The following DDAH1 variants were observed in gnomAD, a reference collection of about 807,000 sequenced individuals.
The protein encoded by DDAH1 is dimethylarginine dimethylaminohydrolase 1.
Under a neutral mutation model 28.8 loss-of-function variants are expected in DDAH1, and 19 were observed. The ratio of observed to expected loss-of-function variants is 0.66; its 90% confidence interval spans 0.46 to 0.97. The LOEUF (loss-of-function observed/expected upper bound fraction) is 0.97, where lower values mean the gene tolerates loss of function less well. DDAH1 is among the 50% of genes least tolerant of loss of function. The probability of loss-of-function intolerance (pLI) is 0.00; values close to 1 mark genes in which losing one functional copy is unlikely to be tolerated. For synonymous variants in DDAH1, 153 were observed against 154.4 expected (o/e 0.99, Z 0.07); for missense variants, 326 against 375.9 (o/e 0.87, Z 1.10).
chr1:85,452,638 C>T (rs554821830), intron 1 of DDAH1, among the ~76,000 whole-genome samples: 13 of 151,828 alleles, frequency 8.6e-5, no homozygotes, highest in Non-Finnish European at 1.8e-4. Flanking sequence ...AGTAAAAGAA[C>T]AAACTCATAG....
chr1:85,549,408 T>G (rs1050505417), intron 1 of DDAH1, among the ~76,000 whole-genome samples: 24 of 152,188 alleles, frequency 1.6e-4, no homozygotes, highest in Admixed American at 1.4e-3. Context: ...GAAAGAGGCC[T>G]GGGATTTTAC....
chr1:85,368,258 C>T (rs192522659), intron 1 of DDAH1, among the ~76,000 whole-genome samples: 133 of 152,268 alleles, frequency 8.7e-4, no homozygotes, highest in Admixed American at 8.6e-3. Flanking sequence ...ATCTCTGAAC[C>T]AGTGCTCAGA....
At chr1:85,400,217 G>C (rs1347140712) in intron 1 of DDAH1, among the ~76,000 whole-genome samples, 1 of 70,988 alleles carries the variant, frequency 1.4e-5, no homozygotes, top group African/African-American at 6.1e-5. Flanking sequence ...TTGAGACGGA[G>C]TCTCAATCTG....
At chr1:85,477,921 C>T (rs1655858236) in intron 2 of DDAH1, among the ~76,000 whole-genome samples, 1 of 152,006 alleles carries the variant, frequency 6.6e-6, no homozygotes, top group Non-Finnish European at 1.5e-5. Flanking sequence ...ATTCTCTATT[C>T]AGTTTTTGTT....
At chr1:85,370,735 G>A (rs1364066814) in intron 1 of DDAH1, among the ~76,000 whole-genome samples, 6 of 152,148 alleles carry the variant, frequency 3.9e-5, no homozygotes, top group Non-Finnish European at 7.4e-5. Flanking sequence ...AAGGGCCCAG[G>A]GTGACTTTTA....
chr1:85,363,103 C>T (rs1367785010), intron 1 of DDAH1, among the ~76,000 whole-genome samples: 1 of 152,084 alleles, frequency 6.6e-6, no homozygotes, highest in Admixed American at 6.6e-5. Flanking sequence ...TCCAGTTGAC[C>T]CTTTCCAAAA....
intron 2 of DDAH1, among the ~76,000 whole-genome samples, chr1:85,475,192 C>G (rs72724655): frequency 0.099 from 15,105 of 152,154 alleles, 882 homozygotes; most frequent in Non-Finnish European, 0.14. Flanking sequence ...CAGTATTTTT[C>G]CATTTGTAAA....
chr1:85,476,841 T>G (rs1216437857), intron 2 of DDAH1, among the ~76,000 whole-genome samples: 1 of 152,192 alleles, frequency 6.6e-6, no homozygotes, highest in African/African-American at 2.4e-5. Context: ...TTCTTTCATT[T>G]TCTGAAGTTT....
chr1:85,431,287 G>A (rs1482566110), intron 1 of DDAH1, among the ~76,000 whole-genome samples: 2 of 152,000 alleles, frequency 1.3e-5, no homozygotes, highest in African/African-American at 4.8e-5. Context: ...TGCTGGATTC[G>A]GTTTGCCAGT....
intron 1 of DDAH1, chr1:85,448,030 G>C (rs1654511721): frequency 6.6e-6 from 1 of 152,416 alleles, no homozygotes; most frequent in Admixed American, 6.5e-5. Flanking sequence ...TTTCTTGTTA[G>C]AACAAACTTG....
chr1:85,339,610 T>A (rs1028075168), intron 4 of DDAH1, among the ~76,000 whole-genome samples: 4 of 152,218 alleles, frequency 2.6e-5, no homozygotes, highest in African/African-American at 9.6e-5. Context: ...CTTTTGCATG[T>A]CAGTATTTCT....
chr1:85,365,311 C>T lies in DDAH1; in HGVS notation c.304-6464G>A, dbSNP rs1650017824. ...GAAATCGAGTGACTGTGAGGAGCTA[C>T]AGTACTCTCCAAAACAGATTATGTT... On this transcript the variant is annotated intron_variant, in intron 1 of 5. Transcript: ENST00000284031. 2.6e-5 allele frequency among the ~76,000 whole-genome samples: 4 copies of T among 152,286 alleles called. No individual in the cohort carries two copies. The South Asian group carries it at 8.3e-4, about 32-fold the overall frequency.
intron 1 of DDAH1, among the ~76,000 whole-genome samples, chr1:85,372,055 G>C (rs1051679347): frequency 3.3e-5 from 5 of 151,906 alleles, no homozygotes; most frequent in African/African-American, 4.8e-5. Flanking sequence ...TGTTATTAAA[G>C]CCTTCATTAG....
intron 1 of DDAH1, among the ~76,000 whole-genome samples, chr1:85,387,477 T>A (rs1481542302): frequency 6.6e-6 from 1 of 152,188 alleles, no homozygotes; most frequent in Non-Finnish European, 1.5e-5. Context: ...GCCGAGATAT[T>A]TGTTAAGGCA....
At position 85,529,364 on chromosome 1, in the gene DDAH1, T is replaced by C. The variant is rs1486628245; in HGVS notation, c.-122-33083A>G. Among the ~76,000 whole-genome samples the C allele has an allele frequency of 2.0e-5, 3 of 152,258 alleles. No individual in the cohort carries two copies. The East Asian group carries it at 5.8e-4, about 29-fold the overall frequency. Reference sequence around the variant, plus strand: ...GGGGCCTATCCATACCTTTTCTTGATGCTGCCTGCAGAGTTTACAAATTGA... The same window carrying C: ...GGGGCCTATCCATACCTTTTCTTGACGCTGCCTGCAGAGTTTACAAATTGA... On this transcript the variant is annotated intron_variant, in intron 1 of 6. Coordinates refer to the DDAH1 transcript ENST00000426972.
chr1:85,469,238 A>T (rs1655532159), upstream of DDAH1, among the ~76,000 whole-genome samples: 1 of 152,218 alleles, frequency 6.6e-6, no homozygotes, highest in Non-Finnish European at 1.5e-5. Context: ...CTGCCTCCAG[A>T]GAACAGTGGG....
At chr1:85,438,552 C>A (rs971645138) in intron 1 of DDAH1, among the ~76,000 whole-genome samples, 1 of 152,132 alleles carries the variant, frequency 6.6e-6, no homozygotes, top group Non-Finnish European at 1.5e-5. Flanking sequence ...ATGCACTGAC[C>A]CCTGTGCTGT....
At chr1:85,460,073 C>T (rs1301338906) in intron 1 of DDAH1, among the ~76,000 whole-genome samples, 2 of 152,176 alleles carry the variant, frequency 1.3e-5, no homozygotes, top group African/African-American at 4.8e-5. Flanking sequence ...ACCTCAGTTA[C>T]CTGAGCCTCA....
At chr1:85,435,807 GTCTC>G (rs1002329503) in intron 1 of DDAH1, among the ~76,000 whole-genome samples, 4 of 152,030 alleles carry the variant, frequency 2.6e-5, no homozygotes, top group African/African-American at 4.8e-5. Flanking sequence ...TTTTGAGACA[GTCTC>G]TCTTTCTCTC....
Sources: allele counts gnomAD v4.1 joint callset (sites outside exome capture counted in the v4.1 genomes callset), GRCh38; gene constraint gnomAD v4.1.1; transcripts MANE v1.5; gene names NCBI Gene and HGNC (gene_info 2026-07-23, HGNC 2026-07-21).